The following LINGO2 variants were observed in gnomAD, a reference collection of about 807,000 sequenced individuals.
LINGO2 encodes the protein leucine-rich repeat and immunoglobulin-like domain-containing nogo receptor-interacting protein 2.
Under a neutral mutation model 30.6 loss-of-function variants are expected in LINGO2, and 14 were observed. The observed-to-expected ratio is 0.46, with a 90% CI of 0.30 to 0.72. The LOEUF is 0.72. Ranked by LOEUF, LINGO2 falls within the 30% of genes least tolerant of loss-of-function variation. The pLI is 0.07. For missense variants in LINGO2, 729 were observed against 751.7 expected (o/e 0.97, Z 0.35); for synonymous variants, 317 against 288.5 (o/e 1.10, Z -1.00).
At chr9:28,616,599 C>T (rs1826140670) in intron 1 of LINGO2, among the ~76,000 whole-genome samples, 1 of 152,204 alleles carries the variant, frequency 6.6e-6, no homozygotes, top group Non-Finnish European at 1.5e-5. Flanking sequence ...TGCTCATAAA[C>T]ATCCTTTGCA....
At chr9:28,585,079 C>T (rs1010998849) in intron 1 of LINGO2, among the ~76,000 whole-genome samples, 9 of 152,042 alleles carry the variant, frequency 5.9e-5, no homozygotes, top group African/African-American at 1.9e-4. Flanking sequence ...CGAGTCATCA[C>T]AGAAGTATAA....
intron 4 of LINGO2, among the ~76,000 whole-genome samples, chr9:28,232,858 G>T (rs1821406823): frequency 6.7e-6 from 1 of 150,018 alleles, no homozygotes; most frequent in African/African-American, 2.5e-5. Context: ...TCATGCATCT[G>T]GGGAAAAAAA....
the LINGO2 span, among the ~76,000 whole-genome samples, chr9:28,995,660 C>CACATAT: frequency 4.6e-5 from 7 of 152,114 alleles, no homozygotes; most frequent in Admixed American, 1.3e-4. Flanking sequence ...GAAAATGTGG[C>CACATAT]ACATATACAC....
At chr9:28,189,876 G>T (rs1317071199) in intron 4 of LINGO2, among the ~76,000 whole-genome samples, 4 of 152,074 alleles carry the variant, frequency 2.6e-5, no homozygotes, top group African/African-American at 9.7e-5. Flanking sequence ...CATGTGGTGT[G>T]TGTATAAGGG....
At chr9:28,418,667 T>A (rs1823066545) in intron 2 of LINGO2, among the ~76,000 whole-genome samples, 1 of 152,096 alleles carries the variant, frequency 6.6e-6, no homozygotes, top group Non-Finnish European at 1.5e-5. Flanking sequence ...ATGGCAAGAT[T>A]AAAAGAGACC....
the LINGO2 span, among the ~76,000 whole-genome samples, chr9:29,163,066 G>T: frequency 6.6e-6 from 1 of 152,112 alleles, no homozygotes; most frequent in Non-Finnish European, 1.5e-5. Flanking sequence ...CAAAGAACTT[G>T]TGACGGCATA....
chr9:28,980,020 A>G, the LINGO2 span, among the ~76,000 whole-genome samples: 2 of 152,162 alleles, frequency 1.3e-5, no homozygotes, highest in Non-Finnish European at 2.9e-5. Context: ...CATTGGAACC[A>G]CAAGCAAACA....
intron 4 of LINGO2, among the ~76,000 whole-genome samples, chr9:28,123,768 A>G (rs1309438732): frequency 6.6e-6 from 1 of 151,200 alleles, no homozygotes; most frequent in Admixed American, 6.6e-5. Context: ...GGTTCACACT[A>G]TTTTCCTGCC....
chr9:28,921,665 C>T, the LINGO2 span, among the ~76,000 whole-genome samples: 1 of 152,078 alleles, frequency 6.6e-6, no homozygotes, highest in African/African-American at 2.4e-5. Flanking sequence ...ACCCTCAGAT[C>T]CTAAAATCAT....
chr9:28,163,373 T>A (rs1828340765), intron 4 of LINGO2, among the ~76,000 whole-genome samples: 1 of 152,182 alleles, frequency 6.6e-6, no homozygotes, highest in Non-Finnish European at 1.5e-5. Context: ...AACTAGACAC[T>A]GATAACTTGA....
the LINGO2 span, among the ~76,000 whole-genome samples, chr9:28,965,816 G>A: frequency 1.3e-5 from 2 of 152,166 alleles, no homozygotes; most frequent in Admixed American, 6.6e-5. Flanking sequence ...AAAAGAAATA[G>A]AGAAACTATA....
the LINGO2 span, among the ~76,000 whole-genome samples, chr9:28,714,881 A>C: frequency 4.6e-5 from 7 of 152,168 alleles, no homozygotes; most frequent in African/African-American, 1.7e-4. Flanking sequence ...TCTACCATGA[A>C]AGTTCTGTAA....
chr9:28,370,489 T>C (rs556547831), intron 3 of LINGO2, among the ~76,000 whole-genome samples: 9 of 152,322 alleles, frequency 5.9e-5, no homozygotes, highest in African/African-American at 1.9e-4. Context: ...TTCAGTGTTA[T>C]TGATAAGGTT....
chr9:28,860,821 C>T, the LINGO2 span, among the ~76,000 whole-genome samples: 1 of 148,346 alleles, frequency 6.7e-6, no homozygotes, highest in Non-Finnish European at 1.5e-5. Context: ...CTTAGTTGTA[C>T]AAATGTGTCA....
At chr9:28,029,606 T>C (rs1823561902) in intron 4 of LINGO2, among the ~76,000 whole-genome samples, 1 of 152,144 alleles carries the variant, frequency 6.6e-6, no homozygotes, top group Non-Finnish European at 1.5e-5. Flanking sequence ...AAGGAGTTGA[T>C]GTCGGATATA....
the LINGO2 span, among the ~76,000 whole-genome samples, chr9:29,070,606 C>G: frequency 6.6e-6 from 1 of 151,998 alleles, no homozygotes; most frequent in African/African-American, 2.4e-5. Flanking sequence ...GGAAATCAGA[C>G]AGACATGAGT....
the LINGO2 span, among the ~76,000 whole-genome samples, chr9:28,851,362 C>T: frequency 2.0e-5 from 3 of 152,176 alleles, no homozygotes. Flanking sequence ...TGAGCCAAGT[C>T]ATTTCATATT....
At chr9:28,607,603 C>T (rs1043966021) in intron 1 of LINGO2, among the ~76,000 whole-genome samples, 3 of 151,970 alleles carry the variant, frequency 2.0e-5, no homozygotes, top group Admixed American at 1.3e-4. Context: ...TTCTCTCATG[C>T]TATAGATAAG....
At chr9:28,817,780 G>T in the LINGO2 span, among the ~76,000 whole-genome samples, 5 of 152,148 alleles carry the variant, frequency 3.3e-5, no homozygotes, top group African/African-American at 1.2e-4. Context: ...TTTTGGGGAA[G>T]ATGAAAAAGC....
Sources: allele counts gnomAD v4.1 joint callset (sites outside exome capture counted in the v4.1 genomes callset), GRCh38; gene constraint gnomAD v4.1.1; transcripts MANE v1.5; gene names NCBI Gene and HGNC (gene_info 2026-07-23, HGNC 2026-07-21).